Variants in LINGO2 observed in about 807,000 individuals in gnomAD.
LINGO2 encodes the protein leucine-rich repeat and immunoglobulin-like domain-containing nogo receptor-interacting protein 2.
A neutral mutation model predicts 30.6 loss-of-function variants in LINGO2; 14 were observed. That is an observed-to-expected ratio of 0.46 (90% CI 0.30 to 0.72). The LOEUF (loss-of-function observed/expected upper bound fraction) is 0.72, where lower values mean the gene tolerates loss of function less well. LINGO2 is among the 30% of genes least tolerant of loss of function. The probability of loss-of-function intolerance (pLI) is 0.07; values close to 1 mark genes in which losing one functional copy is unlikely to be tolerated. For synonymous variants in LINGO2, 317 were observed against 288.5 expected, an observed-to-expected ratio of 1.10 and a Z score of -1.00; for missense variants, 729 against 751.7, an observed-to-expected ratio of 0.97 and a Z score of 0.35.
chr9:29,195,752 G>A, the LINGO2 span, among the ~76,000 whole-genome samples: 1 of 152,092 alleles, frequency 6.6e-6, no homozygotes, highest in Non-Finnish European at 1.5e-5. Flanking sequence ...CATACTTTAT[G>A]ACGAAAGATT....
rs544532369 is a variant in LINGO2, at chr9:28,495,583, T to C, written c.-364-19558A>G. On this transcript the variant is annotated intron_variant, in intron 1 of 5. Coordinates refer to ENST00000379992, the Ensembl canonical transcript of LINGO2. Reference sequence around the variant, plus strand: ...TCTGTTCCATTGGTCTATATCTCTGTTTTGATACCAGTACCATGCTGTTTT... The same window carrying C: ...TCTGTTCCATTGGTCTATATCTCTGCTTTGATACCAGTACCATGCTGTTTT... Among the ~76,000 whole-genome samples, 6 of 152,252 alleles carry C rather than the reference T, an allele frequency of 3.9e-5. No homozygotes were observed. In the East Asian group the frequency reaches 1.2e-3, roughly 29 times the overall value.
chr9:28,169,290 T>C (rs1177096697), intron 4 of LINGO2, among the ~76,000 whole-genome samples: 7 of 152,192 alleles, frequency 4.6e-5, no homozygotes, highest in Non-Finnish European at 7.4e-5. Context: ...TTTGCTAAAA[T>C]TGAAATATTC....
intron 4 of LINGO2, among the ~76,000 whole-genome samples, chr9:28,245,067 G>GCAGC (rs1358152963): frequency 6.6e-6 from 1 of 152,100 alleles, no homozygotes; most frequent in African/African-American, 2.4e-5. Context: ...TCAAATACTG[G>GCAGC]CAAACCAAAT....
intron 3 of LINGO2, among the ~76,000 whole-genome samples, chr9:28,343,837 C>G (rs1173700947): frequency 6.6e-6 from 1 of 151,958 alleles, no homozygotes; most frequent in Non-Finnish European, 1.5e-5. Context: ...TGCCTAAACG[C>G]GACATTAAGT....
chr9:28,807,146 T>A, the LINGO2 span, among the ~76,000 whole-genome samples: 1 of 151,974 alleles, frequency 6.6e-6, no homozygotes, highest in African/African-American at 2.4e-5. Flanking sequence ...TGCCTTAGCC[T>A]CCTGAGTAGC....
rs143608708 is a variant in LINGO2 at position 28,086,040 on chromosome 9, A to T, written c.-86-73635T>A. 2.3e-3 allele frequency among the ~76,000 whole-genome samples: 356 copies of T among 152,204 alleles called. 7 individuals are homozygous for T. In the South Asian group the frequency reaches 0.044, roughly 19 times the overall value. On this transcript the variant is annotated intron_variant, in intron 4 of 5. Coordinates refer to ENST00000379992, the Ensembl canonical transcript of LINGO2. ...AACAGCTGTATAAAAATATTTACAT[A>T]TGCTTACCTGTACATAGGACAGCCC... is the stretch of plus-strand genomic sequence containing the variant.
At position 28,422,260 on chromosome 9, in the gene LINGO2, A is replaced by G. The variant is rs181114105; in HGVS notation, c.-278-49392T>C. 3.9e-5 allele frequency among the ~76,000 whole-genome samples: 6 copies of G among 152,270 alleles called. No homozygotes were observed. The East Asian group carries it at 7.7e-4, about 20-fold the overall frequency. ...TAATGAGTGAAAATATTTTCAAATC[A>G]TATATCTAAAAAGAGGTTAATATCC... On this transcript the variant is annotated intron_variant, in intron 2 of 5. Transcript: ENST00000379992.
chr9:28,591,516 C>T (rs1352894560), intron 1 of LINGO2, among the ~76,000 whole-genome samples: 1 of 152,012 alleles, frequency 6.6e-6, no homozygotes, highest in Non-Finnish European at 1.5e-5. Context: ...AAGTTCTGGT[C>T]TTCTGTACTC....
intron 4 of LINGO2, among the ~76,000 whole-genome samples, chr9:28,120,576 C>T (rs868636676): frequency 3.3e-5 from 5 of 152,154 alleles, no homozygotes; most frequent in Admixed American, 6.5e-5. Flanking sequence ...TACAAATACC[C>T]GCCTCCCTTT....
intron 4 of LINGO2, among the ~76,000 whole-genome samples, chr9:28,213,497 T>C (rs940576814): frequency 6.6e-6 from 1 of 151,488 alleles, no homozygotes; most frequent in Non-Finnish European, 1.5e-5. Flanking sequence ...TTTCTAATTA[T>C]CTATTTGGCA....
chr9:28,019,317 A>AT (rs1357392681), intron 4 of LINGO2, among the ~76,000 whole-genome samples: 1 of 6,670 alleles, frequency 1.5e-4, no homozygotes, highest in Non-Finnish European at 2.8e-4. Context: ...AGGGGAATAT[A>AT]TGTTTTTTTT....
intron 5 of LINGO2, among the ~76,000 whole-genome samples, chr9:27,997,743 A>G (rs1340604432): frequency 2.0e-5 from 3 of 152,176 alleles, no homozygotes; most frequent in Non-Finnish European, 4.4e-5. Flanking sequence ...TCTGTGAACT[A>G]CTGATAATCC....
chr9:28,306,242 G>C (rs957537211), intron 3 of LINGO2, among the ~76,000 whole-genome samples: 1 of 151,906 alleles, frequency 6.6e-6, no homozygotes, highest in African/African-American at 2.4e-5. Context: ...ATATTGCATA[G>C]AACTTAAAAC....
chr9:27,989,526 C>A (rs1821292116), intron 5 of LINGO2, among the ~76,000 whole-genome samples: 1 of 151,438 alleles, frequency 6.6e-6, no homozygotes, highest in Admixed American at 6.6e-5. Flanking sequence ...AGAACTATAT[C>A]ATGAGTGGAA....
chr9:28,368,594 C>CTT (rs60310040), intron 3 of LINGO2, among the ~76,000 whole-genome samples: 2 of 123,602 alleles, frequency 1.6e-5, no homozygotes, highest in East Asian at 2.3e-4. Flanking sequence ...CTTTTCTTTT[C>CTT]TTTTTTTTTT....
chr9:28,714,118 C>T, the LINGO2 span, among the ~76,000 whole-genome samples: 13,948 of 147,606 alleles, frequency 0.094, 807 homozygotes, highest in East Asian at 0.18. Context: ...GAGATTCTGC[C>T]ACTGCACTAC....
intron 4 of LINGO2, among the ~76,000 whole-genome samples, chr9:28,097,129 A>T (rs995063952): frequency 6.6e-5 from 10 of 152,160 alleles, no homozygotes; most frequent in African/African-American, 2.2e-4. Context: ...TCAAAACCAC[A>T]ATGAGATACC....
chr9:28,955,290 A>C, the LINGO2 span, among the ~76,000 whole-genome samples: 3 of 152,194 alleles, frequency 2.0e-5, no homozygotes, highest in African/African-American at 7.2e-5. Flanking sequence ...GTATGCTATC[A>C]TATTAGATTG....
the LINGO2 span, among the ~76,000 whole-genome samples, chr9:29,185,974 T>G: frequency 6.6e-6 from 1 of 152,176 alleles, no homozygotes; most frequent in Non-Finnish European, 1.5e-5. Context: ...ATAAACACAA[T>G]GTATGTTCAT....
Sources: gnomAD v4.1 joint callset for allele counts (sites outside exome capture counted in the v4.1 genomes callset) on GRCh38, gnomAD v4.1.1 for gene constraint, MANE v1.5 for transcripts, NCBI Gene and HGNC (gene_info 2026-07-23, HGNC 2026-07-21) for gene names.